Variants in ANKRD55 observed in about 807,000 individuals in gnomAD.
The protein encoded by ANKRD55 is ankyrin repeat domain 55.
In ANKRD55, 41 loss-of-function variants were observed where a neutral mutation model predicts 60.6. That is an observed-to-expected ratio of 0.68 (90% CI 0.53 to 0.88). The LOEUF (loss-of-function observed/expected upper bound fraction) is 0.88, where lower values mean the gene tolerates loss of function less well. Ranked by LOEUF, ANKRD55 falls within the 40% of genes least tolerant of loss-of-function variation. The pLI, the probability that ANKRD55 is intolerant of heterozygous loss-of-function variation, is 0.00. For synonymous variants in ANKRD55, 264 were observed against 290.3 expected (o/e 0.91, Z 0.92); for missense variants, 732 against 767.6 (o/e 0.95, Z 0.55).
intron 3 of ANKRD55, among the ~76,000 whole-genome samples, chr5:56,180,906 A>G (rs953023591): frequency 6.6e-6 from 1 of 152,158 alleles, no homozygotes; most frequent in African/African-American, 2.4e-5. Context: ...CCTTTTCAAG[A>G]TGTATGCTTT....
At position 56,113,946 on chromosome 5, in the gene ANKRD55, G is replaced by A. The variant is rs182996079; in HGVS notation, c.966-2164C>T. Among the ~76,000 whole-genome samples, 19 of 148,692 alleles carry A rather than the reference G, an allele frequency of 1.3e-4. No homozygotes were observed. In the East Asian group the frequency reaches 2.4e-3, roughly 19 times the overall value. ...GTTACAGGCGTGAGTCACTGCGCTC[G>A]ACCCATCTGACTAGGTATATTTATA... On this transcript the variant is annotated intron_variant, in intron 9 of 11. Transcript: ENST00000341048.
intron 6 of ANKRD55, among the ~76,000 whole-genome samples, chr5:56,158,193 AGGCAGATGCGGG>A (rs1463513285): frequency 1.3e-5 from 2 of 151,650 alleles, no homozygotes; most frequent in Non-Finnish European, 3.0e-5. Flanking sequence ...TAAAAAAAAA[AGGCAGATGCGGG>A]GGCATCTGCC....
chr5:56,141,254 A>G (rs1014372136), intron 7 of ANKRD55, among the ~76,000 whole-genome samples: 1 of 149,016 alleles, frequency 6.7e-6, no homozygotes, highest in Non-Finnish European at 1.5e-5. Context: ...TTATAGCCAC[A>G]GCTCCCAGCC....
intron 2 of ANKRD55, among the ~76,000 whole-genome samples, chr5:56,185,742 C>A (rs1462975996): frequency 6.6e-6 from 1 of 151,836 alleles, no homozygotes; most frequent in Non-Finnish European, 1.5e-5. Flanking sequence ...GATATTATGT[C>A]AAAGATACTT....
Position 56,106,213 on chromosome 5 carries a change from A to G in ANKRD55, c.1631-3627T>C, listed in dbSNP as rs565016609. 8.1e-4 allele frequency among the ~76,000 whole-genome samples: 124 copies of G among 152,256 alleles called. 1 individual carries two copies. The highest frequency in any genetic ancestry group is 2.3e-3 in the African/African-American group (97 of 41,536). On this transcript the variant is annotated intron_variant, in intron 10 of 11. Coordinates refer to ENST00000341048, the MANE Select transcript of ANKRD55 (RefSeq NM_024669.3). The stretch of plus-strand genomic sequence containing the variant: ...GCAGGAAAGGAGGAAATCCAAAGAT[A>G]AAGGGACAATCCAAGTTCAAGTCAG...
chr5:56,197,866 G>C (rs888487344), intron 2 of ANKRD55, among the ~76,000 whole-genome samples: 14 of 152,264 alleles, frequency 9.2e-5, no homozygotes, highest in African/African-American at 3.1e-4. Flanking sequence ...TTGTTTTCTT[G>C]AGTATTAATT....
chr5:56,131,641 C>G (rs989047565), intron 7 of ANKRD55, among the ~76,000 whole-genome samples: 2 of 151,194 alleles, frequency 1.3e-5, no homozygotes, highest in South Asian at 4.2e-4. Context: ...GCTAAAAATA[C>G]AAAAATTAGC....
At chr5:56,168,095 C>G (rs1343285097) in intron 5 of ANKRD55, among the ~76,000 whole-genome samples, 1 of 152,158 alleles carries the variant, frequency 6.6e-6, no homozygotes, top group Non-Finnish European at 1.5e-5. Context: ...AAACTATATT[C>G]CCCAGAGCAC....
intron 6 of ANKRD55, among the ~76,000 whole-genome samples, chr5:56,154,825 G>A (rs906392812): frequency 3.3e-5 from 5 of 152,238 alleles, no homozygotes; most frequent in Non-Finnish European, 5.9e-5. Flanking sequence ...CTGGCCTCAA[G>A]TGATTCACCC....
intron 7 of ANKRD55, among the ~76,000 whole-genome samples, chr5:56,128,866 C>T (rs1757340724): frequency 6.6e-6 from 1 of 152,168 alleles, no homozygotes; most frequent in Non-Finnish European, 1.5e-5. Context: ...ACTATTCTGT[C>T]TGTGATTAAA....
Position 56,189,822 on chromosome 5 carries a change from C to T in ANKRD55, c.59-6188G>A, listed in dbSNP as rs1008659596. ...TCTTTTTGCATTCCTGCTTTTAATT[C>T]TTTTGGGTATATACTCAGAAGTGGA... On this transcript the variant is annotated intron_variant, in intron 2 of 11. Transcript: ENST00000341048. Among the ~76,000 whole-genome samples the T allele has an allele frequency of 2.0e-4, 30 of 151,972 alleles. 1 individual carries two copies. The highest frequency in any genetic ancestry group is 7.3e-4 in the African/African-American group (30 of 41,360).
At chr5:56,131,795 CAAAAAAAAAAAAAAAA>C (rs34898025) in intron 7 of ANKRD55, among the ~76,000 whole-genome samples, 1 of 26,788 alleles carries the variant, frequency 3.7e-5, no homozygotes, top group Admixed American at 4.9e-4. Context: ...GACTCCGTCT[CAAAAAAAAAAAAAAAA>C]AAAAAAAAAA....
intron 8 of ANKRD55, among the ~76,000 whole-genome samples, chr5:56,124,123 T>G (rs542688432): frequency 2.0e-5 from 3 of 152,310 alleles, no homozygotes; most frequent in East Asian, 1.9e-4. Context: ...AGAGCAGGAC[T>G]TGGTAACAGA....
intron 2 of ANKRD55, among the ~76,000 whole-genome samples, chr5:56,208,849 A>G (rs1469134926): frequency 1.3e-5 from 2 of 152,202 alleles, no homozygotes; most frequent in Non-Finnish European, 2.9e-5. Context: ...GGTGACAGAA[A>G]ACGTTCAGTT....
chr5:56,131,337 A>G (rs1312832615), intron 7 of ANKRD55, among the ~76,000 whole-genome samples: 1 of 152,214 alleles, frequency 6.6e-6, no homozygotes, highest in East Asian at 1.9e-4. Context: ...AAGCAAGAAG[A>G]GACTGGAGTG....
chr5:56,118,630 TAAATA>T lies in ANKRD55; in HGVS notation c.798-1853_798-1849del, dbSNP rs145664184. On this transcript the variant is annotated intron_variant, in intron 8 of 11. Coordinates refer to ENST00000341048, the MANE Select transcript of ANKRD55 (RefSeq NM_024669.3). ...CAGAGCGAGACTCCATCTCAAAAAA[TAAATA>T]AAATAAAATAAAATAAAATAAAATA... Among the ~76,000 whole-genome samples, 799 of 149,250 alleles carry T rather than the reference TAAATA, an allele frequency of 5.4e-3. 14 individuals are homozygous for T. Among genetic ancestry groups the T allele is most frequent in the African/African-American group, 0.018 (735 of 40,552 alleles).
At chr5:56,189,545 A>G (rs1484523812) in intron 2 of ANKRD55, among the ~76,000 whole-genome samples, 1 of 152,164 alleles carries the variant, frequency 6.6e-6, no homozygotes, top group Non-Finnish European at 1.5e-5. Context: ...TTTGACTACT[A>G]AAGGCACCTC....
At chr5:56,232,804 C>G in intron 2 of ANKRD55, 52 bp downstream of exon 2, 4 of 1,539,334 alleles carry the variant, frequency 2.6e-6, no homozygotes, top group Non-Finnish European at 3.6e-6. Context: ...AAATCCATAC[C>G]ATGAGACTAA....
chr5:56,183,503 A>T lies in ANKRD55; in HGVS notation c.181+9T>A. The T allele has an allele frequency of 6.2e-7, 1 of 1,613,804 alleles. No individual in the cohort carries two copies. The highest frequency in any genetic ancestry group is 8.5e-7 in the Non-Finnish European group (1 of 1,179,912). ...AACATTCTGGATTCAAAATGCATAC[A>T]TATCTCACCTTCACTGTCACAGCAT... On this transcript the variant is annotated intron_variant, in intron 3 of 11. Coordinates refer to ENST00000341048, the MANE Select transcript of ANKRD55 (RefSeq NM_024669.3).
Sources: gnomAD v4.1 joint callset for allele counts (sites outside exome capture counted in the v4.1 genomes callset) on GRCh38, gnomAD v4.1.1 for gene constraint, MANE v1.5 for transcripts, NCBI Gene and HGNC (gene_info 2026-07-23, HGNC 2026-07-21) for gene names.